WDR72: variants seen among roughly 807,000 people sequenced by gnomAD.
The protein encoded by WDR72 is WD repeat domain 72.
A neutral mutation model predicts 124.2 loss-of-function variants in WDR72; 120 were observed. The ratio of observed to expected loss-of-function variants is 0.97; its 90% CI spans 0.83 to 1.12. The LOEUF is 1.12. Among genes scored for constraint, WDR72 ranks in the 50% most tolerant of loss-of-function variants. The pLI, the probability that WDR72 is intolerant of heterozygous loss-of-function variation, is 0.00. For missense variants in WDR72, 1,387 were observed against 1,278.8 expected (o/e 1.08, Z -1.29); for synonymous variants, 452 against 441.7 (o/e 1.02, Z -0.29).
chr15:53,703,105 G>A (rs2017234985), intron 11 of WDR72, among the ~76,000 whole-genome samples: 1 of 151,856 alleles, frequency 6.6e-6, no homozygotes, highest in South Asian at 2.1e-4. Flanking sequence ...GCAGGGACAG[G>A]GTGTCACCAT....
chr15:53,639,162 G>C lies in WDR72; in HGVS notation c.1963-22919C>G, dbSNP rs370519810. ...TCTGAATCCCCTCTCTTTCTTCAAT[G>C]CCTTTCCTACCACATCCTTTCCTTC... On this transcript the variant is annotated intron_variant, in intron 14 of 19. Transcript: ENST00000360509. 8.0e-4 allele frequency among the ~76,000 whole-genome samples: 122 copies of C among 151,914 alleles called. 1 individual carries two copies. Among genetic ancestry groups the C allele is most frequent in the African/African-American group, 2.9e-3 (120 of 41,410 alleles).
chr15:53,734,017 G>A (rs1280023938), intron 1 of WDR72, among the ~76,000 whole-genome samples: 1 of 152,192 alleles, frequency 6.6e-6, no homozygotes, highest in African/African-American at 2.4e-5. Context: ...TTCCCACATT[G>A]CTTTGAGAAA....
At chr15:53,712,109 T>C (rs2017556037) in intron 7 of WDR72, among the ~76,000 whole-genome samples, 1 of 152,216 alleles carries the variant, frequency 6.6e-6, no homozygotes, top group African/African-American at 2.4e-5. Flanking sequence ...GTGAAAAGTA[T>C]ATTTTTAGTT....
intron 1 of WDR72, among the ~76,000 whole-genome samples, chr15:53,744,764 A>G (rs762208038): frequency 1.6e-4 from 25 of 152,212 alleles, no homozygotes; most frequent in Non-Finnish European, 3.4e-4. Flanking sequence ...GCAAGAGTTC[A>G]CTAGAAATTG....
intron 18 of WDR72, among the ~76,000 whole-genome samples, chr15:53,574,534 C>T (rs896595832): frequency 6.6e-6 from 1 of 152,074 alleles, no homozygotes; most frequent in Non-Finnish European, 1.5e-5. Context: ...AAATATGTAT[C>T]TCAGAACAAA....
At chr15:53,533,500 C>T (rs765509006) in intron 18 of WDR72, among the ~76,000 whole-genome samples, 27 of 152,054 alleles carry the variant, frequency 1.8e-4, no homozygotes, top group Non-Finnish European at 3.7e-4. Context: ...CCCCTAAAAC[C>T]AAGGTCTGAT....
chr15:53,535,468 G>A (rs766604122), intron 18 of WDR72, among the ~76,000 whole-genome samples: 3 of 152,030 alleles, frequency 2.0e-5, no homozygotes, highest in Admixed American at 6.6e-5. Flanking sequence ...AGAGAGATTC[G>A]GCTTAAAATT....
Position 53,699,865 on chromosome 15 carries a change from G to A in WDR72, c.1650C>T (p.Leu550=), listed in dbSNP as rs746603501. Residue 550 remains leucine (L), a synonymous_variant, in exon 13 of 20, where the codon CTC becomes CTT. Transcript: ENST00000360509. ...GAAAAAGGTGCTTCCGGGCATGCAGGAGGCAACTCTTTCCCTCAAGGTGAA... is the reference window on the plus strand; with the variant it reads ...GAAAAAGGTGCTTCCGGGCATGCAGAAGGCAACTCTTTCCCTCAAGGTGAA... ...ALLHLEGKSC[L]LHARKHLFPV... is the part of the protein sequence containing the mutation. The A allele has an allele frequency of 6.2e-7, 1 of 1,613,956 alleles. No individual in the cohort carries two copies.
chr15:53,730,104 G>T (rs2018158197), intron 2 of WDR72, among the ~76,000 whole-genome samples: 1 of 152,134 alleles, frequency 6.6e-6, no homozygotes, highest in Non-Finnish European at 1.5e-5. Context: ...TAGCCAAAAG[G>T]TGGAAGCAAC....
At chr15:53,714,843 C>CAAT (rs759482483) in intron 5 of WDR72, among the ~76,000 whole-genome samples, 4 of 152,130 alleles carry the variant, frequency 2.6e-5, no homozygotes, top group Non-Finnish European at 4.4e-5. Flanking sequence ...ACTGAATTAT[C>CAAT]AATACTACAT....
At chr15:53,661,162 A>G (rs1019391016) in intron 14 of WDR72, among the ~76,000 whole-genome samples, 2 of 152,202 alleles carry the variant, frequency 1.3e-5, no homozygotes, top group African/African-American at 4.8e-5. Flanking sequence ...AGCCAAAAAT[A>G]TGTACTATCT....
chr15:53,595,136 C>T (rs2012710740), intron 18 of WDR72, among the ~76,000 whole-genome samples: 1 of 152,012 alleles, frequency 6.6e-6, no homozygotes, highest in South Asian at 2.1e-4. Context: ...GTGTAATATT[C>T]TGGTGTTCTA....
At chr15:53,674,132 A>T (rs998986452) in intron 13 of WDR72, among the ~76,000 whole-genome samples, 1 of 152,148 alleles carries the variant, frequency 6.6e-6, no homozygotes, top group Non-Finnish European at 1.5e-5. Context: ...TCTTTTCCAT[A>T]TTGGGTAGGC....
At chr15:53,629,086 C>G (rs1229071529) in intron 14 of WDR72, among the ~76,000 whole-genome samples, 1 of 151,580 alleles carries the variant, frequency 6.6e-6, no homozygotes, top group African/African-American at 2.4e-5. Flanking sequence ...AGACATACAC[C>G]GAATATTAAT....
chr15:53,599,415 G>T (rs904387549), intron 17 of WDR72, among the ~76,000 whole-genome samples: 20 of 152,064 alleles, frequency 1.3e-4, no homozygotes, highest in Admixed American at 3.3e-4. Context: ...CACCACGACA[G>T]TTACCACAAA....
intron 17 of WDR72, among the ~76,000 whole-genome samples, chr15:53,597,836 A>G (rs2012850103): frequency 6.6e-6 from 1 of 152,130 alleles, no homozygotes; most frequent in African/African-American, 2.4e-5. Context: ...GTGCCCAGTC[A>G]AGGACCTATG....
chr15:53,753,545 T>C (rs1453370926), intron 1 of WDR72, among the ~76,000 whole-genome samples: 1 of 152,224 alleles, frequency 6.6e-6, no homozygotes, highest in African/African-American at 2.4e-5. Context: ...GAAGGAACCA[T>C]AGCCTTTGTA....
chr15:53,550,539 A>G (rs1230529549), intron 18 of WDR72, among the ~76,000 whole-genome samples: 1 of 152,162 alleles, frequency 6.6e-6, no homozygotes, highest in Non-Finnish European at 1.5e-5. Context: ...CCTTTTATTT[A>G]TTATGCATTA....
At chr15:53,752,441 A>G (rs1428475845) in intron 1 of WDR72, among the ~76,000 whole-genome samples, 7 of 152,224 alleles carry the variant, frequency 4.6e-5, no homozygotes, top group Non-Finnish European at 8.8e-5. Flanking sequence ...ACACACACAC[A>G]GAGAAAGTCA....
Sources: gnomAD v4.1 joint callset for allele counts (sites outside exome capture counted in the v4.1 genomes callset) on GRCh38, gnomAD v4.1.1 for gene constraint, MANE v1.5 for transcripts, NCBI Gene and HGNC (gene_info 2026-07-23, HGNC 2026-07-21) for gene names.